The following SCLT1 variants were observed in gnomAD, a reference collection of about 807,000 sequenced individuals.
The protein encoded by SCLT1 is sodium channel-associated protein 1.
SCLT1 carries 78 observed loss-of-function variants against 112.8 expected under a neutral mutation model. The ratio of observed to expected loss-of-function variants is 0.69; its 90% CI spans 0.58 to 0.83. SCLT1 has a LOEUF of 0.83. SCLT1 is among the 40% of genes least tolerant of loss of function. The pLI is 0.00. For synonymous variants in SCLT1, 257 were observed against 254.7 expected (o/e 1.01, Z -0.09); for missense variants, 747 against 770.4 (o/e 0.97, Z 0.36).
At chr4:129,036,497 A>G (rs1446868609) in intron 5 of SCLT1, 1 of 152,070 alleles carries the variant, frequency 6.6e-6, no homozygotes, top group Non-Finnish European at 1.5e-5. Flanking sequence ...TCCCTGCTTA[A>G]TAAGTATTTT....
rs956732999 is a variant in SCLT1, at chr4:129,093,241, C to T, written c.-138G>A. ...CTCCAGCGGTGCAATCTGCATCCTA[C>T]TCACGCGGCATCTACAGCCCCGCCA... On this transcript the variant is annotated 5_prime_UTR_variant, in exon 1 of 21. Coordinates refer to ENST00000281142, the MANE Select transcript of SCLT1 (RefSeq NM_144643.4). The T allele has an allele frequency of 1.9e-5, 14 of 742,166 alleles. No homozygotes were observed. The African/African-American group carries it at 2.4e-4, about 13-fold the overall frequency. The allele number at this position is 742,166 out of a possible 1,614,324, so 46.0% of individuals were successfully genotyped here.
intron 1 of SCLT1, among the ~76,000 whole-genome samples, chr4:129,089,974 G>T (rs1752697677): frequency 6.6e-6 from 1 of 151,994 alleles, no homozygotes; most frequent in South Asian, 2.1e-4. Context: ...TAACAAAACT[G>T]CACGTTCTGC....
At chr4:128,911,191 GGGAGGC>G (rs527360091) in intron 18 of SCLT1, among the ~76,000 whole-genome samples, 1,595 of 152,254 alleles carry the variant, frequency 0.01, 20 homozygotes, top group African/African-American at 0.035. Context: ...GCTTGAATCT[GGGAGGC>G]GGAGGTTGCA....
intron 5 of SCLT1, among the ~76,000 whole-genome samples, chr4:129,031,655 A>T (rs866079798): frequency 6.6e-6 from 1 of 152,098 alleles, no homozygotes. Flanking sequence ...AAGGATTCCT[A>T]TACAACAACA....
At chr4:129,072,644 C>T (rs947857591) in intron 2 of SCLT1, among the ~76,000 whole-genome samples, 4 of 142,798 alleles carry the variant, frequency 2.8e-5, no homozygotes, top group African/African-American at 4.9e-5. Context: ...CAAAGTCTCC[C>T]GAATTTTTTA....
intron 3 of SCLT1, chr4:128,876,691 T>A (rs574903048): frequency 1.3e-5 from 2 of 152,348 alleles, no homozygotes; most frequent in East Asian, 3.9e-4. Flanking sequence ...CTTCCTTCAC[T>A]TCAACTGTTC....
At chr4:128,925,019 C>T (rs1253307555) in intron 18 of SCLT1, among the ~76,000 whole-genome samples, 4 of 152,082 alleles carry the variant, frequency 2.6e-5, no homozygotes, top group African/African-American at 9.7e-5. Context: ...ATAAAGAGAC[C>T]AACAAGGCAA....
At chr4:128,952,294 A>C (rs527627551) in intron 14 of SCLT1, 1 of 455,458 alleles carries the variant, frequency 2.2e-6, no homozygotes, top group South Asian at 1.6e-5. Context: ...AAGGTTATTA[A>C]ATTTCATTAC....
intron 18 of SCLT1, among the ~76,000 whole-genome samples, chr4:128,910,017 C>T (rs557667720): frequency 2.0e-5 from 3 of 152,242 alleles, no homozygotes; most frequent in South Asian, 2.1e-4. Context: ...AGAGTGAAGG[C>T]GGCCACTTTA....
intron 18 of SCLT1, among the ~76,000 whole-genome samples, chr4:128,901,471 TGA>T (rs2125935509): frequency 7.1e-6 from 1 of 141,824 alleles, no homozygotes; most frequent in East Asian, 2.1e-4. Flanking sequence ...AATTGAACAA[TGA>T]GAACACAGGG....
intron 13 of SCLT1, among the ~76,000 whole-genome samples, chr4:128,953,819 C>CA (rs150640505): frequency 0.29 from 42,024 of 144,356 alleles, 6,118 homozygotes; most frequent in South Asian, 0.36. Flanking sequence ...AACAAAAAAA[C>CA]AAAAAAAAAA....
chr4:128,943,173 T>C lies in SCLT1; in HGVS notation c.1455A>G (p.Ile485Met), dbSNP rs1737856484. 3.7e-6 allele frequency: 6 copies of C among 1,607,836 alleles called. No homozygotes were observed. The South Asian group carries it at 5.6e-5, about 15-fold the overall frequency. ...KQLETDSSEE[I>M]SRYQEMIQKL... ...TCTGAATCATTTCTTGGTAACGTGA[T>C]ATTTCTTCTGAGGAGCTGATTAAAA... The change falls in exon 17 of 21, where the codon ATA becomes ATG. Residue 485 changes from isoleucine (I) to methionine (M), a missense_variant. Physicochemically the swap from Ile to Met is conservative, Grantham distance 10. Transcript: ENST00000281142.
At chr4:129,085,163 C>A (rs1752283378) in intron 1 of SCLT1, among the ~76,000 whole-genome samples, 1 of 151,976 alleles carries the variant, frequency 6.6e-6, no homozygotes, top group Non-Finnish European at 1.5e-5. Flanking sequence ...GGAACTTGAA[C>A]AAATTTACAA....
chr4:128,940,670 AAATTCATAAAT>A, intron 17 of SCLT1, among the ~76,000 whole-genome samples: 1 of 151,988 alleles, frequency 6.6e-6, no homozygotes, highest in Non-Finnish European at 1.5e-5. Context: ...AACAATTTTA[AAATTCATAAAT>A]AAAAGCAATT....
chr4:128,982,410 A>G (rs915939056), intron 9 of SCLT1, among the ~76,000 whole-genome samples: 1 of 152,230 alleles, frequency 6.6e-6, no homozygotes, highest in Non-Finnish European at 1.5e-5. Flanking sequence ...TAAGTTCTCA[A>G]TGAATATAAA....
chr4:128,927,361 G>C (rs936811942), intron 18 of SCLT1, among the ~76,000 whole-genome samples: 78 of 152,160 alleles, frequency 5.1e-4, no homozygotes, highest in African/African-American at 1.8e-3. Context: ...AGTTTCTTAA[G>C]TCCAGGAGTT....
At chr4:128,901,914 CT>C (rs1169513970) in intron 18 of SCLT1, among the ~76,000 whole-genome samples, 3 of 151,872 alleles carry the variant, frequency 2.0e-5, no homozygotes, top group South Asian at 2.1e-4. Context: ...GGAATAGGAA[CT>C]TTTTTTTGTT....
intron 11 of SCLT1, among the ~76,000 whole-genome samples, chr4:128,961,653 C>T (rs1171416086): frequency 1.3e-5 from 2 of 151,974 alleles, no homozygotes; most frequent in Non-Finnish European, 2.9e-5. Context: ...TGATTAAGTT[C>T]TTATCTGTCT....
intron 18 of SCLT1, among the ~76,000 whole-genome samples, chr4:128,897,577 T>C (rs1320209081): frequency 6.6e-6 from 1 of 151,492 alleles, no homozygotes; most frequent in Admixed American, 6.6e-5. Flanking sequence ...CATGCCAAAT[T>C]GTAAAGACCA....
Sources: allele counts gnomAD v4.1 joint callset (sites outside exome capture counted in the v4.1 genomes callset), GRCh38; gene constraint gnomAD v4.1.1; transcripts MANE v1.5; gene names NCBI Gene and HGNC (gene_info 2026-07-23, HGNC 2026-07-21).